Variants in ZDHHC15 observed in about 807,000 individuals in gnomAD.
ZDHHC15 encodes the protein palmitoyltransferase ZDHHC15.
Under a neutral mutation model 31.7 loss-of-function variants are expected in ZDHHC15, and 19 were observed. That is an observed-to-expected ratio of 0.60 (90% CI 0.42 to 0.88). The LOEUF (loss-of-function observed/expected upper bound fraction) is 0.88. Ranked by LOEUF, ZDHHC15 falls within the 40% of genes least tolerant of loss-of-function variation. The pLI, the probability that ZDHHC15 is intolerant of heterozygous loss-of-function variation, is 0.00. For synonymous variants in ZDHHC15, 103 were observed against 90.0 expected, an observed-to-expected ratio of 1.14 and a Z score of -0.82; for missense variants, 209 against 251.2, an observed-to-expected ratio of 0.83 and a Z score of 1.14.
intron 2 of ZDHHC15, among the ~76,000 whole-genome samples, chrX:75,484,474 A>C (rs1288405673): frequency 8.9e-6 from 1 of 112,366 alleles, no homozygotes; most frequent in African/African-American, 3.2e-5. Flanking sequence ...CAGAAGTGCA[A>C]ATTAAAAATC....
intron 3 of ZDHHC15, among the ~76,000 whole-genome samples, chrX:75,467,832 C>T (rs965625718): frequency 9.0e-6 from 1 of 111,344 alleles, no homozygotes; most frequent in Non-Finnish European, 1.9e-5. Context: ...GTTGTGCAAC[C>T]ATTACCGCTA....
chrX:75,489,051 C>A (rs940184402), intron 2 of ZDHHC15, among the ~76,000 whole-genome samples: 1 of 111,647 alleles, frequency 9.0e-6, no homozygotes, highest in South Asian at 3.8e-4. Context: ...GGGAGGAGTG[C>A]CCGCCATTGC....
chrX:75,444,150 T>C (rs1307702596), intron 4 of ZDHHC15, among the ~76,000 whole-genome samples: 2 of 111,290 alleles, frequency 1.8e-5, no homozygotes, highest in Non-Finnish European at 3.8e-5. Context: ...AACATGTTGC[T>C]ATAAAGACAC....
At chrX:75,493,696 A>G (rs1288607176) in intron 2 of ZDHHC15, among the ~76,000 whole-genome samples, 1 of 112,094 alleles carries the variant, frequency 8.9e-6, no homozygotes, top group African/African-American at 3.2e-5. Flanking sequence ...TGATTATCTC[A>G]ATAGTTGCAG....
chrX:75,443,233 C>A (rs1361829353), intron 4 of ZDHHC15, among the ~76,000 whole-genome samples: 1 of 110,018 alleles, frequency 9.1e-6, no homozygotes, highest in African/African-American at 3.3e-5. Context: ...CTACAGTAAC[C>A]AAAACAGCAT....
Position 75,516,774 on chromosome X carries a change from G to T in ZDHHC15, c.136+6115C>A, listed in dbSNP as rs746675965. On this transcript the variant is annotated intron_variant, in intron 1 of 11. Coordinates refer to ENST00000373367, the MANE Select transcript of ZDHHC15 (RefSeq NM_144969.3). ...ACTAAAGAGCTTCTGCACAGCAAAA[G>T]AAACTACCATCAGAGTGAACAGGCA... Among the ~76,000 whole-genome samples the T allele has an allele frequency of 1.2e-4, 13 of 111,802 alleles. No individual in the cohort carries two copies. In the South Asian group the frequency reaches 4.8e-3, roughly 42 times the overall value.
rs866432690 is a variant in ZDHHC15, at chrX:75,374,683, G to A, written c.*33-1738C>T. Among the ~76,000 whole-genome samples the A allele has an allele frequency of 8.6e-3, 779 of 91,061 alleles. 11 individuals carry two copies. Among genetic ancestry groups the A allele is most frequent in the African/African-American group, 0.029 (681 of 23,331 alleles). The allele number at this position is 91,061 out of a possible 115,157, so 79.1% of individuals were successfully genotyped here. A position where few individuals can be genotyped will look rare whatever the true frequency, so the allele number is the denominator to read the frequency against. On this transcript the variant is annotated intron_variant, in intron 11 of 11. Transcript: ENST00000373367. ...AGTGTGTGTGTGTGTGTGTGTGTGT[G>A]TGTGTATATATATATAATATATGTA...
intron 3 of ZDHHC15, among the ~76,000 whole-genome samples, chrX:75,452,340 CTAAT>C (rs746677634): frequency 4.5e-5 from 5 of 111,117 alleles, no homozygotes; most frequent in South Asian, 7.6e-4. Flanking sequence ...GAAGAGCTAA[CTAAT>C]CTAAATATAT....
chrX:75,467,149 T>C (rs988126900), intron 3 of ZDHHC15, among the ~76,000 whole-genome samples: 1 of 112,748 alleles, frequency 8.9e-6, no homozygotes, highest in African/African-American at 3.2e-5. Context: ...AAACAACTGG[T>C]TATTTTGTTT....
At chrX:75,481,074 T>C (rs888939260) in intron 2 of ZDHHC15, among the ~76,000 whole-genome samples, 3 of 111,548 alleles carry the variant, frequency 2.7e-5, no homozygotes, top group Admixed American at 9.6e-5. Context: ...AGTGTTATCA[T>C]ACTTTTTTCT....
At chrX:75,468,297 G>A (rs1421848331) in intron 3 of ZDHHC15, among the ~76,000 whole-genome samples, 4 of 111,071 alleles carry the variant, frequency 3.6e-5, no homozygotes, top group South Asian at 7.6e-4. Flanking sequence ...CGCCTGCCTC[G>A]GCCTCTCAAA....
At chrX:75,413,083 CTA>C (rs2083503763) in intron 10 of ZDHHC15, among the ~76,000 whole-genome samples, 1 of 111,872 alleles carries the variant, frequency 8.9e-6, no homozygotes. Flanking sequence ...AAAAAGGTAA[CTA>C]TGTGAGATGA....
chrX:75,488,153 A>G (rs1456908615), intron 2 of ZDHHC15, among the ~76,000 whole-genome samples: 2 of 111,977 alleles, frequency 1.8e-5, no homozygotes, highest in East Asian at 5.6e-4. Flanking sequence ...TAGACATCCG[A>G]ATACAAGAAG....
intron 3 of ZDHHC15, among the ~76,000 whole-genome samples, chrX:75,453,775 C>G (rs1414359067): frequency 1.8e-5 from 2 of 111,174 alleles, no homozygotes; most frequent in Non-Finnish European, 3.8e-5. Context: ...TAAACAGAAC[C>G]AAAGACAAAA....
intron 4 of ZDHHC15, among the ~76,000 whole-genome samples, chrX:75,443,393 G>T (rs2083975819): frequency 8.9e-6 from 1 of 111,862 alleles, no homozygotes; most frequent in Non-Finnish European, 1.9e-5. Context: ...AACAAACGGT[G>T]TTGGGAAAAC....
intron 10 of ZDHHC15, among the ~76,000 whole-genome samples, chrX:75,408,202 T>C (rs1374252267): frequency 2.7e-5 from 2 of 73,985 alleles, no homozygotes; most frequent in East Asian, 4.8e-4. Flanking sequence ...CCAAGAATGA[T>C]CAATAAATAC....
At chrX:75,503,017 T>G (rs1035503903) in intron 2 of ZDHHC15, among the ~76,000 whole-genome samples, 2 of 110,666 alleles carry the variant, frequency 1.8e-5, no homozygotes, top group Admixed American at 1.9e-4. Context: ...TACAGAGAAA[T>G]AATAAATGTT....
intron 7 of ZDHHC15, among the ~76,000 whole-genome samples, chrX:75,426,410 A>C (rs1345529995): frequency 9.2e-6 from 1 of 109,165 alleles, no homozygotes; most frequent in East Asian, 2.9e-4. Context: ...AAGCATATCT[A>C]CTGTGTTGTC....
intron 10 of ZDHHC15, among the ~76,000 whole-genome samples, chrX:75,413,964 C>A (rs2083515451): frequency 9.0e-6 from 1 of 111,296 alleles, no homozygotes; most frequent in Non-Finnish European, 1.9e-5. Flanking sequence ...ATAGATGCCA[C>A]CCATCCAATT....
Sources: gnomAD v4.1 joint callset for allele counts (sites outside exome capture counted in the v4.1 genomes callset) on GRCh38, gnomAD v4.1.1 for gene constraint, MANE v1.5 for transcripts, NCBI Gene and HGNC (gene_info 2026-07-23, HGNC 2026-07-21) for gene names.